Variants in PUDP observed in about 807,000 individuals in gnomAD.
PUDP encodes pseudouridine-5'-phosphatase.
Under a neutral mutation model 9.4 loss-of-function variants are expected in PUDP, and 8 were observed. The observed-to-expected ratio is 0.85, with a 90% CI of 0.50 to 1.53. The LOEUF (loss-of-function observed/expected upper bound fraction) is 1.53, where lower values mean the gene tolerates loss of function less well. Among genes scored for constraint, PUDP ranks in the 40% most tolerant of loss-of-function variants. The probability of loss-of-function intolerance (pLI) is 0.00; values close to 1 mark genes in which losing one functional copy is unlikely to be tolerated. For missense variants in PUDP, 188 were observed against 189.7 expected, an observed-to-expected ratio of 0.99 and a Z score of 0.05; for synonymous variants, 99 against 80.7, an observed-to-expected ratio of 1.23 and a Z score of -1.22.
At chrX:7,099,635 C>A (rs1175490355) in intron 2 of PUDP, among the ~76,000 whole-genome samples, 2 of 112,083 alleles carry the variant, frequency 1.8e-5, no homozygotes, top group South Asian at 7.5e-4. Context: ...CAGGGCCACT[C>A]TGCCTCGTCT....
At chrX:7,081,943 C>G (rs1267888461) in intron 2 of PUDP, among the ~76,000 whole-genome samples, 1 of 112,856 alleles carries the variant, frequency 8.9e-6, no homozygotes, top group Non-Finnish European at 1.9e-5. Flanking sequence ...GATGCCTTCA[C>G]AAAGTTTTTC....
upstream of PUDP, among the ~76,000 whole-genome samples, chrX:6,726,287 G>A (rs1924737464): frequency 9.0e-6 from 1 of 111,521 alleles, no homozygotes; most frequent in Admixed American, 9.6e-5. Context: ...AGAGAGCAGG[G>A]GAGACTAGGG....
intron 3 of PUDP, among the ~76,000 whole-genome samples, chrX:7,054,404 C>T (rs1367125168): frequency 7.3e-5 from 7 of 95,871 alleles, no homozygotes; most frequent in Admixed American, 1.3e-4. Context: ...AGTGAGACTC[C>T]GTCTCAAAAA....
At chrX:7,097,834 A>C in intron 2 of PUDP, among the ~76,000 whole-genome samples, 1 of 111,584 alleles carries the variant, frequency 9.0e-6, no homozygotes, top group East Asian at 2.8e-4. Context: ...TAAACCAAGA[A>C]CAAAATTAAA....
intron 3 of PUDP, among the ~76,000 whole-genome samples, chrX:6,852,441 T>C (rs952532591): frequency 8.9e-6 from 1 of 112,036 alleles, no homozygotes; most frequent in Non-Finnish European, 1.9e-5. Context: ...CTACAGCACT[T>C]GGGTGTAGGG....
chrX:6,758,254 GAGTTCAAGACCAGCCT>G (rs1341198577), intron 3 of PUDP, among the ~76,000 whole-genome samples: 3 of 111,297 alleles, frequency 2.7e-5, no homozygotes, highest in East Asian at 5.7e-4. Flanking sequence ...TTGAGCCCAG[GAGTTCAAGACCAGCCT>G]GGGCAACAAG....
intron 1 of PUDP, among the ~76,000 whole-genome samples, chrX:7,109,679 A>G (rs1931983828): frequency 8.9e-6 from 1 of 112,503 alleles, no homozygotes; most frequent in Admixed American, 9.4e-5. Context: ...GAAAGGATCT[A>G]AACAAGTAAT....
intron 3 of PUDP, among the ~76,000 whole-genome samples, chrX:6,750,433 C>T (rs1425417994): frequency 9.0e-6 from 1 of 110,550 alleles, no homozygotes; most frequent in Admixed American, 9.7e-5. Context: ...GCATTACTCC[C>T]AAACGAAGAG....
chrX:6,889,989 G>A (rs1249211912), intron 3 of PUDP, among the ~76,000 whole-genome samples: 1 of 111,608 alleles, frequency 9.0e-6, no homozygotes, highest in Admixed American at 9.5e-5. Flanking sequence ...GATACTACAG[G>A]TGAGCACAGT....
chrX:6,750,656 A>G (rs1925058612), intron 3 of PUDP, among the ~76,000 whole-genome samples: 1 of 111,408 alleles, frequency 9.0e-6, no homozygotes, highest in African/African-American at 3.3e-5. Context: ...TAAAAATTCC[A>G]AAGACCTCAT....
intron 3 of PUDP, among the ~76,000 whole-genome samples, chrX:7,070,327 T>C (rs1238631959): frequency 9.0e-6 from 1 of 111,564 alleles, no homozygotes; most frequent in Non-Finnish European, 1.9e-5. Context: ...AGCAGAGGCA[T>C]GCCTATTTTG....
chrX:6,780,626 C>G (rs1925544916), intron 3 of PUDP, among the ~76,000 whole-genome samples: 1 of 111,384 alleles, frequency 9.0e-6, no homozygotes, highest in Admixed American at 9.6e-5. Context: ...AGTCCTCATC[C>G]TAGGCTTTAA....
intron 1 of PUDP, among the ~76,000 whole-genome samples, chrX:7,005,275 T>G (rs1929386805): frequency 9.0e-6 from 1 of 111,374 alleles, no homozygotes; most frequent in African/African-American, 3.3e-5. Flanking sequence ...AAAGTTGGTA[T>G]AATTTAAAAG....
chrX:7,068,218 T>G lies in PUDP; in HGVS notation c.510+9002A>C, dbSNP rs373300043. On this transcript the variant is annotated intron_variant, in intron 3 of 3. Coordinates refer to ENST00000381077, the MANE Select transcript of PUDP (RefSeq NM_012080.5). ...TACTAAATTCTAATAAGAAATGACATTGGCTATTATTAAAACTAAATGACA... is the reference window on the plus strand; with the variant it reads ...TACTAAATTCTAATAAGAAATGACAGTGGCTATTATTAAAACTAAATGACA... Among the ~76,000 whole-genome samples the G allele has an allele frequency of 3.6e-5, 4 of 112,318 alleles. No homozygotes were observed. The East Asian group carries it at 1.1e-3, about 31-fold the overall frequency.
chrX:6,919,827 C>G (rs981114846), intron 3 of PUDP, among the ~76,000 whole-genome samples: 6 of 83,779 alleles, frequency 7.2e-5, no homozygotes, highest in African/African-American at 3.0e-4. Context: ...CCATTGCACT[C>G]CAGCCTGGGT....
At chrX:7,022,773 A>G (rs190444932) in intron 1 of PUDP, among the ~76,000 whole-genome samples, 2 of 112,037 alleles carry the variant, frequency 1.8e-5, no homozygotes, top group East Asian at 2.8e-4. Flanking sequence ...TCTGGCCAAG[A>G]AGGAATAACA....
At chrX:6,833,103 T>C (rs1926528903) in intron 3 of PUDP, among the ~76,000 whole-genome samples, 1 of 112,300 alleles carries the variant, frequency 8.9e-6, no homozygotes, top group South Asian at 3.7e-4. Context: ...AAAAATGTTA[T>C]AAATAGTAAG....
At chrX:6,722,788 G>A (rs971896153), upstream of PUDP, among the ~76,000 whole-genome samples, 1 of 111,856 alleles carries the variant, frequency 8.9e-6, no homozygotes, top group Non-Finnish European at 1.9e-5. Context: ...GTGATTCAGA[G>A]TAAAGGAGAT....
chrX:7,061,199 T>C (rs968401884), intron 3 of PUDP, among the ~76,000 whole-genome samples: 13 of 111,474 alleles, frequency 1.2e-4, no homozygotes, highest in Non-Finnish European at 2.3e-4. Flanking sequence ...TGATACTGTG[T>C]ATGACTAACT....
Sources: gnomAD v4.1 joint callset for allele counts (sites outside exome capture counted in the v4.1 genomes callset) on GRCh38, gnomAD v4.1.1 for gene constraint, MANE v1.5 for transcripts, NCBI Gene and HGNC (gene_info 2026-07-23, HGNC 2026-07-21) for gene names.